TARS3: variants seen among roughly 807,000 people sequenced by gnomAD.
TARS3 encodes the protein threonine--tRNA ligase 2, cytoplasmic.
A neutral mutation model predicts 103.5 loss-of-function variants in TARS3; 94 were observed. That is an observed-to-expected ratio of 0.91 (90% CI 0.77 to 1.08). The LOEUF (loss-of-function observed/expected upper bound fraction) is 1.08, where lower values mean the gene tolerates loss of function less well. Among genes scored for constraint, TARS3 ranks in the 50% least tolerant of loss-of-function variants. The pLI is 0.00. For missense variants in TARS3, 952 were observed against 995.2 expected (o/e 0.96, Z 0.58); for synonymous variants, 416 against 355.4 (o/e 1.17, Z -1.92).
intron 12 of TARS3, among the ~76,000 whole-genome samples, chr15:101,676,985 G>C (rs1424814009): frequency 1.3e-5 from 2 of 152,078 alleles, no homozygotes; most frequent in Non-Finnish European, 2.9e-5. Flanking sequence ...ACAGGCCCCA[G>C]TGTGTGTTGT....
intron 6 of TARS3, among the ~76,000 whole-genome samples, chr15:101,707,101 T>C (rs1028379678): frequency 3.9e-5 from 6 of 152,168 alleles, no homozygotes; most frequent in Middle Eastern, 3.4e-3. Flanking sequence ...TAGTACGTCA[T>C]CAGAGAAATG....
chr15:101,715,041 G>T (rs1900070695), intron 3 of TARS3, 78 bp from the exon 4 acceptor site: 1 of 1,397,224 alleles, frequency 7.2e-7, no homozygotes, highest in Non-Finnish European at 9.5e-7. Flanking sequence ...AGAATTTCTA[G>T]GGTTTTTTTT....
At chr15:101,715,506 C>G (rs573017187) in intron 3 of TARS3, among the ~76,000 whole-genome samples, 1 of 152,306 alleles carries the variant, frequency 6.6e-6, no homozygotes, top group Non-Finnish European at 1.5e-5. Flanking sequence ...AAATAAAAAT[C>G]ACACATAAAT....
Position 101,705,666 on chromosome 15 carries a change from C to T in TARS3, c.995+17G>A. The T allele has an allele frequency of 6.2e-7, 1 of 1,606,324 alleles. No homozygotes were observed. ...AAGTTTACCACTGAGCAGCGTTTAC[C>T]ATGTGTGGACACAAACCTGTACACG... On this transcript the variant is annotated intron_variant, in intron 7 of 18. Coordinates refer to ENST00000335968, the MANE Select transcript of TARS3 (RefSeq NM_152334.3).
At chr15:101,712,995 G>A (rs1316622060) in intron 4 of TARS3, among the ~76,000 whole-genome samples, 2 of 152,172 alleles carry the variant, frequency 1.3e-5, no homozygotes, top group Admixed American at 1.3e-4. Context: ...CTGACTGCTA[G>A]CATCAGCCCA....
chr15:101,685,215 T>C (rs1567336399), intron 11 of TARS3, among the ~76,000 whole-genome samples: 1 of 152,198 alleles, frequency 6.6e-6, no homozygotes, highest in Non-Finnish European at 1.5e-5. Context: ...AAAACTACAA[T>C]TGTTGGGATT....
rs74385889 is a variant in TARS3 at position 101,667,419 on chromosome 15, T to C, written c.1967+4067A>G. Among the ~76,000 whole-genome samples, 109 of 152,330 alleles carry C rather than the reference T, an allele frequency of 7.2e-4. No homozygotes were observed. In the East Asian group the frequency reaches 0.017, roughly 24 times the overall value. ...CTAGCTATGAAAGTCCTAGAGGGCA[T>C]CTTCTTCTAATAGAAGGCTGCTTCA... On this transcript the variant is annotated intron_variant, in intron 15 of 18. Coordinates refer to ENST00000335968, the MANE Select transcript of TARS3 (RefSeq NM_152334.3).
At position 101,701,131 on chromosome 15, in the gene TARS3, A is replaced by G; in HGVS notation, c.1275T>C (p.Leu425=). The G allele has an allele frequency of 6.3e-7, 1 of 1,599,080 alleles. No homozygotes were observed. The change falls in exon 10 of 19, where the codon CTT becomes CTC. Residue 425 remains leucine, a synonymous_variant. Coordinates refer to ENST00000335968, the MANE Select transcript of TARS3 (RefSeq NM_152334.3). ...TATTATAAATGAAGGCTCCTCTGGG[A>G]AGGAAAAAACAGCTTCCAGGACTCA... ...HDLSPGSCFF[L]PRGAFIYNTL...
intron 13 of TARS3, among the ~76,000 whole-genome samples, chr15:101,672,802 G>A (rs946854136): frequency 4.6e-5 from 7 of 152,152 alleles, no homozygotes; most frequent in East Asian, 1.9e-4. Flanking sequence ...TGGAGGCTGC[G>A]CTCCCCTGTT....
intron 10 of TARS3, chr15:101,695,632 G>A (rs915502444): frequency 6.6e-6 from 1 of 152,202 alleles, no homozygotes; most frequent in African/African-American, 2.4e-5. Context: ...GGCTGGCGTG[G>A]TGGCTCACGT....
chr15:101,700,026 C>G (rs939218032), intron 10 of TARS3, among the ~76,000 whole-genome samples: 3 of 150,160 alleles, frequency 2.0e-5, no homozygotes, highest in African/African-American at 7.4e-5. Context: ...GGAGTAGGAC[C>G]AAATTTGAAA....
intron 16 of TARS3, among the ~76,000 whole-genome samples, chr15:101,658,311 C>CAA (rs36121104): frequency 0.46 from 32,166 of 69,752 alleles, 6,121 homozygotes; most frequent in Non-Finnish European, 0.54. Flanking sequence ...ACACCATCAG[C>CAA]AAAAAAAAAA....
rs1900257025 is a variant in TARS3 at position 101,718,197 on chromosome 15, C to T, written c.566+2929G>A. On this transcript the variant is annotated intron_variant, in intron 3 of 18. Transcript: ENST00000335968. ...CAGCCTGACTAACATGGAGAAACGC[C>T]ATCCTTACTAAAAATACAAAATTAG... is the stretch of plus-strand genomic sequence containing the variant. Among the ~76,000 whole-genome samples the T allele has an allele frequency of 2.0e-5, 3 of 152,068 alleles. No homozygotes were observed. In the South Asian group the frequency reaches 6.2e-4, roughly 31 times the overall value.
chr15:101,698,008 C>A (rs1177749446), intron 10 of TARS3, among the ~76,000 whole-genome samples: 1 of 152,184 alleles, frequency 6.6e-6, no homozygotes, highest in Non-Finnish European at 1.5e-5. Flanking sequence ...TTTGGATTCC[C>A]CCAGCCTTCT....
chr15:101,695,554 T>G (rs1898931884), intron 10 of TARS3, among the ~76,000 whole-genome samples: 1 of 152,194 alleles, frequency 6.6e-6, no homozygotes, highest in Non-Finnish European at 1.5e-5. Flanking sequence ...TCTATGAACA[T>G]CCAAATACAA....
At chr15:101,695,069 A>G (rs942083933) in intron 10 of TARS3, among the ~76,000 whole-genome samples, 4 of 152,230 alleles carry the variant, frequency 2.6e-5, no homozygotes, top group Admixed American at 1.3e-4. Context: ...AAAATAGTTA[A>G]AATGGTAAAT....
chr15:101,680,930 TTA>T (rs775961031), intron 12 of TARS3, among the ~76,000 whole-genome samples: 23 of 152,210 alleles, frequency 1.5e-4, no homozygotes, highest in South Asian at 4.1e-4. Flanking sequence ...TTTTGTATTT[TTA>T]TGTTTGACAT....
At chr15:101,723,839 G>A (rs980498501) in intron 1 of TARS3, among the ~76,000 whole-genome samples, 1 of 152,222 alleles carries the variant, frequency 6.6e-6, no homozygotes, top group Non-Finnish European at 1.5e-5. Flanking sequence ...AAAAAGATGC[G>A]TGGCAGGCTC....
intron 18 of TARS3, among the ~76,000 whole-genome samples, chr15:101,655,442 G>A (rs1303475128): frequency 8.3e-4 from 96 of 116,284 alleles, no homozygotes; most frequent in South Asian, 1.8e-3. Flanking sequence ...GCTCTTACAG[G>A]CTCACAGTGA....
Sources: allele counts gnomAD v4.1 joint callset (sites outside exome capture counted in the v4.1 genomes callset), GRCh38; gene constraint gnomAD v4.1.1; transcripts MANE v1.5; gene names NCBI Gene and HGNC (gene_info 2026-07-23, HGNC 2026-07-21).